The following CNOT6L variants were observed in gnomAD, a reference collection of about 807,000 sequenced individuals.
CNOT6L encodes CCR4-NOT transcription complex subunit 6 like.
CNOT6L carries 7 observed loss-of-function variants against 64.0 expected under a neutral mutation model. The ratio of observed to expected loss-of-function variants is 0.11; its 90% CI spans 0.06 to 0.21. The LOEUF (loss-of-function observed/expected upper bound fraction) is 0.21, where lower values mean the gene tolerates loss of function less well. Among genes scored for constraint, CNOT6L ranks in the 10% least tolerant of loss-of-function variants. The pLI is 1.00. For missense variants in CNOT6L, 245 were observed against 669.0 expected, an observed-to-expected ratio of 0.37 and a Z score of 6.99; for synonymous variants, 193 against 243.4, an observed-to-expected ratio of 0.79 and a Z score of 1.93.
chr4:77,818,558 A>G (rs1321074424), intron 1 of CNOT6L, among the ~76,000 whole-genome samples: 1 of 152,172 alleles, frequency 6.6e-6, no homozygotes, highest in Non-Finnish European at 1.5e-5. Context: ...GGAACACGAC[A>G]CCGCGTATTC....
chr4:77,756,725 A>G, intron 5 of CNOT6L, 137 bp downstream of exon 5: 3 of 538,826 alleles, frequency 5.6e-6, no homozygotes, highest in Non-Finnish European at 9.8e-6. Context: ...ATGTTCCACT[A>G]ACGTAGGATA....
At chr4:77,798,620 C>T (rs947872118) in intron 1 of CNOT6L, among the ~76,000 whole-genome samples, 2 of 152,050 alleles carry the variant, frequency 1.3e-5, no homozygotes, top group South Asian at 2.1e-4. Context: ...AGAAAACAAC[C>T]GGAACTTTCA....
chr4:77,786,197 C>T (rs889328228), intron 1 of CNOT6L, among the ~76,000 whole-genome samples: 4 of 151,936 alleles, frequency 2.6e-5, no homozygotes, highest in Admixed American at 6.6e-5. Context: ...AGGGGAATCA[C>T]TTAAACCCGG....
In CNOT6L at chr4:77,728,924, TC is replaced by T. The variant is rs1722156974; in HGVS notation, c.1181del (p.Gly394GlufsTer30). 6.2e-7 allele frequency: 1 copy of T among 1,613,724 alleles called. No homozygotes were observed. Among genetic ancestry groups the T allele is most frequent in the African/African-American group, 1.3e-5 (1 of 74,916 alleles). On this transcript the variant is annotated frameshift_variant, in exon 10 of 12. Transcript: ENST00000504123. LOFTEE classifies it high-confidence loss of function. Reference protein sequence around the residue: ...NILEKASSRPGSPTADPNSIP... With the variant: ...NILEKASSRPXSPTADPNSIP... ...TGGAATTAGGATCTGCAGTTGGGCT[TC>T]CAGGCCTACTAGAGGCTTTCTCCAG...
At chr4:77,771,575 C>T (rs181996425) in intron 4 of CNOT6L, among the ~76,000 whole-genome samples, 24 of 152,298 alleles carry the variant, frequency 1.6e-4, no homozygotes, top group African/African-American at 5.3e-4. Context: ...TAAGTACTTT[C>T]CCTCTCTACT....
At chr4:77,801,851 T>C (rs1731622580) in intron 1 of CNOT6L, among the ~76,000 whole-genome samples, 1 of 152,148 alleles carries the variant, frequency 6.6e-6, no homozygotes, top group Non-Finnish European at 1.5e-5. Context: ...GTCACATCTG[T>C]GAATAGCCAC....
At chr4:77,755,059 CAAATT>C (rs973847703) in intron 5 of CNOT6L, among the ~76,000 whole-genome samples, 34 of 150,956 alleles carry the variant, frequency 2.3e-4, no homozygotes, top group African/African-American at 5.8e-4. Flanking sequence ...TGTCAAAAGA[CAAATT>C]AAGAGAACGA....
rs553119100 is a variant in CNOT6L at position 77,740,479 on chromosome 4, T to A, written c.872+1662A>T. Among the ~76,000 whole-genome samples, 10 of 152,312 alleles carry A rather than the reference T, an allele frequency of 6.6e-5. 1 individual carries two copies. In the South Asian group the frequency reaches 1.9e-3, roughly 28 times the overall value. On this transcript the variant is annotated intron_variant, in intron 8 of 11. Coordinates refer to ENST00000504123, the MANE Select transcript of CNOT6L (RefSeq NM_144571.3). ...AAGCTCAAACAAGAAGGCTAAAGAT[T>A]CAGTTTATTACAGTAGTTAAAAGCA...
intron 1 of CNOT6L, among the ~76,000 whole-genome samples, chr4:77,814,819 ACAAT>A (rs1441809821): frequency 2.0e-5 from 3 of 152,230 alleles, no homozygotes; most frequent in African/African-American, 2.4e-5. Flanking sequence ...ATAAACCTGC[ACAAT>A]CATAGAATAA....
chr4:77,782,433 A>G (rs1364340540), intron 1 of CNOT6L, among the ~76,000 whole-genome samples: 1 of 152,068 alleles, frequency 6.6e-6, no homozygotes, highest in Non-Finnish European at 1.5e-5. Flanking sequence ...CCTAGGATGA[A>G]GTGGTCCTCC....
chr4:77,789,358 C>T (rs1729828649), intron 1 of CNOT6L, among the ~76,000 whole-genome samples: 1 of 150,588 alleles, frequency 6.6e-6, no homozygotes, highest in Non-Finnish European at 1.5e-5. Context: ...TTCTCATTAA[C>T]AAAATGTTCA....
chr4:77,773,240 G>T (rs1727791967), intron 3 of CNOT6L, 74 bp from the exon 4 acceptor site: 3 of 905,730 alleles, frequency 3.3e-6, no homozygotes, highest in South Asian at 1.7e-5. Flanking sequence ...CATTCTTAAG[G>T]CTCCTTCTAA....
At chr4:77,743,407 C>T (rs1723809866) in intron 7 of CNOT6L, among the ~76,000 whole-genome samples, 1 of 151,844 alleles carries the variant, frequency 6.6e-6, no homozygotes. Context: ...CCTCCTCTCC[C>T]CAATTCTCTG....
intron 1 of CNOT6L, among the ~76,000 whole-genome samples, chr4:77,812,536 TG>T (rs1264421064): frequency 6.6e-6 from 1 of 151,620 alleles, no homozygotes; most frequent in Non-Finnish European, 1.5e-5. Context: ...TTTATGCACT[TG>T]TCATGCAAAA....
chr4:77,810,133 G>T (rs1440754483), intron 1 of CNOT6L, among the ~76,000 whole-genome samples: 3 of 151,962 alleles, frequency 2.0e-5, no homozygotes, highest in African/African-American at 7.3e-5. Context: ...CTGTTAACAG[G>T]AATATTCTTA....
intron 8 of CNOT6L, among the ~76,000 whole-genome samples, chr4:77,740,733 C>T (rs990518516): frequency 2.0e-5 from 3 of 152,234 alleles, no homozygotes; most frequent in African/African-American, 7.2e-5. Flanking sequence ...CAAGGGACTA[C>T]ATGCCGATGG....
chr4:77,743,444 TATTTTA>T (rs1359190430), intron 7 of CNOT6L, among the ~76,000 whole-genome samples: 1 of 152,110 alleles, frequency 6.6e-6, no homozygotes, highest in Non-Finnish European at 1.5e-5. Context: ...GAAGAAATTT[TATTTTA>T]ATTTTAAAAG....
intron 4 of CNOT6L, among the ~76,000 whole-genome samples, chr4:77,764,328 GAAAAAGATAAT>G (rs1238194613): frequency 6.6e-6 from 1 of 151,898 alleles, no homozygotes. Flanking sequence ...TCATATTCCA[GAAAAAGATAAT>G]AAAATTAGAT....
intron 1 of CNOT6L, chr4:77,818,996 C>T (rs1339059378): frequency 1.5e-6 from 1 of 671,588 alleles, no homozygotes; most frequent in African/African-American, 1.8e-5. Flanking sequence ...GGAGCCGCAG[C>T]CACAAAGCGG....
Sources: gnomAD v4.1 joint callset for allele counts (sites outside exome capture counted in the v4.1 genomes callset) on GRCh38, gnomAD v4.1.1 for gene constraint, MANE v1.5 for transcripts, NCBI Gene and HGNC (gene_info 2026-07-23, HGNC 2026-07-21) for gene names.